ROCK2: variants seen among roughly 807,000 people sequenced by gnomAD.
ROCK2 encodes Rho associated coiled-coil containing protein kinase 2.
A neutral mutation model predicts 195.1 loss-of-function variants in ROCK2; 61 were observed. That is an observed-to-expected ratio of 0.31 (90% CI 0.25 to 0.39). The LOEUF (loss-of-function observed/expected upper bound fraction) is 0.39, where lower values mean the gene tolerates loss of function less well. Among genes scored for constraint, ROCK2 ranks in the 10% least tolerant of loss-of-function variants. The probability of loss-of-function intolerance (pLI) is 1.00; values close to 1 mark genes in which losing one functional copy is unlikely to be tolerated. For synonymous variants in ROCK2, 504 were observed against 545.5 expected (o/e 0.92, Z 1.06); for missense variants, 1,109 against 1,637.4 (o/e 0.68, Z 5.57).
intron 25 of ROCK2, 105 bp downstream of exon 25, chr2:11,198,386 T>C (rs115314042): frequency 1.3e-4 from 97 of 744,194 alleles, no homozygotes; most frequent in Non-Finnish European, 2.0e-4. Context: ...CAAATATTGG[T>C]ACATTCGATG....
intron 3 of ROCK2, among the ~76,000 whole-genome samples, chr2:11,251,139 TTC>T (rs1665815648): frequency 6.6e-6 from 1 of 152,222 alleles, no homozygotes; most frequent in Non-Finnish European, 1.5e-5. Flanking sequence ...CCATATTCCA[TTC>T]TCTGTGTCAT....
chr2:11,311,133 T>TA (rs1442278733), intron 1 of ROCK2, among the ~76,000 whole-genome samples: 4 of 152,014 alleles, frequency 2.6e-5, no homozygotes, highest in African/African-American at 7.2e-5. Context: ...AAACACTTTT[T>TA]AAAAAAACAA....
chr2:11,211,608 A>G, intron 18 of ROCK2, 73 bp downstream of exon 18: 1 of 1,402,082 alleles, frequency 7.1e-7, no homozygotes, highest in Non-Finnish European at 9.4e-7. Context: ...AAAATGTTTC[A>G]AAACCAAAAA....
chr2:11,244,310 A>G (rs555154809), intron 4 of ROCK2, among the ~76,000 whole-genome samples: 9 of 152,224 alleles, frequency 5.9e-5, no homozygotes, highest in Admixed American at 5.9e-4. Flanking sequence ...CTGGCCCTTT[A>G]CCAAAAAATG....
intron 20 of ROCK2, among the ~76,000 whole-genome samples, chr2:11,205,716 T>C (rs1664026156): frequency 6.6e-6 from 1 of 152,168 alleles, no homozygotes; most frequent in African/African-American, 2.4e-5. Flanking sequence ...TGGTTAATCT[T>C]TCTATCTTTC....
Position 11,287,718 on chromosome 2 carries a change from C to A in ROCK2, c.160G>T (p.Val54Phe). Residue 54 changes from valine (V) to phenylalanine (F), a missense_variant, in exon 2 of 33, where the codon GTC (valine) becomes TTC (phenylalanine). This residue lies in a region of ROCK2 where 253 missense variants were observed against 455.5 expected (regional missense o/e 0.56). Transcript: ENST00000315872. ...AAAGCAGGAAAATCTAAATCAAGGA[C>A]CAAGGAATTTAAGCCATCCTGTTAA... ...ESLLDGLNSL[V>F]LDLDFPALRK... 7.6e-7 allele frequency: 1 copy of A among 1,323,054 alleles called. No homozygotes were observed. The highest frequency in any genetic ancestry group is 2.4e-5 in the Admixed American group (1 of 41,130). The allele number at this position is 1,323,054 out of a possible 1,614,324, so 82.0% of individuals were successfully genotyped here.
chr2:11,230,295 A>G lies in ROCK2; in HGVS notation c.724-2897T>C, dbSNP rs1215547244. ...TCTTGAACATTGTATAGTGTCAAAA[A>G]ATAAGAAAATGCTCCAAAAGGGGGA... On this transcript the variant is annotated intron_variant, in intron 5 of 32. Transcript: ENST00000315872. Among the ~76,000 whole-genome samples, 3 of 152,188 alleles carry G rather than the reference A, an allele frequency of 2.0e-5. No homozygotes were observed. The East Asian group carries it at 5.8e-4, about 29-fold the overall frequency.
rs13398467 is a variant in ROCK2, at chr2:11,257,684, G to C, written c.325-7886C>G. Among the ~76,000 whole-genome samples, 224 of 151,378 alleles carry C rather than the reference G, an allele frequency of 1.5e-3. 10 individuals carry two copies. Among genetic ancestry groups the C allele is most frequent in the African/African-American group, 5.2e-3 (213 of 40,702 alleles). ...ACTGGTGACTCGAATCATTAGAGAT[G>C]GCGGCCCATGGGAAGATCCAGTGTT... On this transcript the variant is annotated intron_variant, in intron 3 of 32. Coordinates refer to ENST00000315872, the MANE Select transcript of ROCK2 (RefSeq NM_004850.5).
At position 11,215,301 on chromosome 2, in the gene ROCK2, T is replaced by C. The variant is rs747288044; in HGVS notation, c.1689+20A>G. ...TAAAAATAAAACCCAGTATCTTTAC[T>C]ACAAATTAGATCCACCTACTTGTCT... On this transcript the variant is annotated intron_variant, in intron 15 of 32. Coordinates refer to ENST00000315872, the MANE Select transcript of ROCK2 (RefSeq NM_004850.5). 10 of 1,555,750 alleles carry C rather than the reference T, an allele frequency of 6.4e-6. No homozygotes were observed. The highest frequency in any genetic ancestry group is 1.4e-5 in the African/African-American group (1 of 72,532).
intron 4 of ROCK2, among the ~76,000 whole-genome samples, chr2:11,240,075 C>T (rs1438267215): frequency 6.6e-6 from 1 of 152,222 alleles, no homozygotes; most frequent in Non-Finnish European, 1.5e-5. Context: ...GTAAGCTCCA[C>T]TGAGTGTCAG....
chr2:11,271,844 G>A (rs893716340), intron 3 of ROCK2, among the ~76,000 whole-genome samples: 4 of 151,924 alleles, frequency 2.6e-5, no homozygotes, highest in Non-Finnish European at 2.9e-5. Context: ...TGGCTAACAC[G>A]GTGAAACCCC....
chr2:11,218,083 C>T (rs1664494678), intron 11 of ROCK2: 1 of 166,442 alleles, frequency 6.0e-6, no homozygotes, highest in African/African-American at 2.4e-5. Flanking sequence ...GTTTTAAATA[C>T]TGCATCTATC....
At chr2:11,246,199 C>G (rs959208170) in intron 4 of ROCK2, among the ~76,000 whole-genome samples, 2 of 152,080 alleles carry the variant, frequency 1.3e-5, no homozygotes, top group African/African-American at 4.8e-5. Context: ...CAAAGTGGAA[C>G]CTGAATCTGA....
chr2:11,312,688 A>C (rs1572395094), intron 1 of ROCK2, among the ~76,000 whole-genome samples: 1 of 152,238 alleles, frequency 6.6e-6, no homozygotes, highest in East Asian at 1.9e-4. Flanking sequence ...ACCTGTATAC[A>C]AATGTTTTTA....
rs766302010 is a variant in ROCK2, at chr2:11,235,955, TA to T, written c.469del (p.Tyr157MetfsTer12). 4 of 1,424,512 alleles carry T rather than the reference TA, an allele frequency of 2.8e-6. No homozygotes were observed. The highest frequency in any genetic ancestry group is 3.6e-5 in the South Asian group (2 of 55,530). The allele number at this position is 1,424,512 out of a possible 1,614,324, so 88.2% of individuals were successfully genotyped here. ...ANSPWVVQLF[Y>X]AFQDDRYLYM... ...CAGATACCTATCATCTTGAAAGGCA[TA>T]AAAAAGCTGGAAAACAAAAGGAAAA... On this transcript the variant is annotated frameshift_variant, in exon 5 of 33. Transcript: ENST00000315872. LOFTEE classifies it high-confidence loss of function. This position sits in a 1 kb window ranked among gnomAD's most constrained non-coding sequence, Gnocchi z 4.2.
At chr2:11,262,954 T>C in intron 3 of ROCK2, among the ~76,000 whole-genome samples, 1 of 152,176 alleles carries the variant, frequency 6.6e-6, no homozygotes, top group South Asian at 2.1e-4. Flanking sequence ...CTGGAGCAGT[T>C]ACTGTTTCTA....
chr2:11,303,898 A>G (rs1667779189), intron 1 of ROCK2, among the ~76,000 whole-genome samples: 1 of 152,050 alleles, frequency 6.6e-6, no homozygotes, highest in Admixed American at 6.5e-5. Context: ...GTCCTTCACT[A>G]TTTTTTTCAA....
chr2:11,220,657 G>C (rs1041263797), intron 9 of ROCK2, among the ~76,000 whole-genome samples: 2 of 152,102 alleles, frequency 1.3e-5, no homozygotes, highest in African/African-American at 4.8e-5. Context: ...TGCTCCCAAT[G>C]TATGCTCACA....
At chr2:11,248,043 A>G in intron 4 of ROCK2, among the ~76,000 whole-genome samples, 1 of 152,016 alleles carries the variant, frequency 6.6e-6, no homozygotes, top group Non-Finnish European at 1.5e-5. Flanking sequence ...AAAAATTATC[A>G]TGGTATAGAA....
Sources: gnomAD v4.1 joint callset for allele counts (sites outside exome capture counted in the v4.1 genomes callset) on GRCh38, gnomAD v4.1.1 for gene constraint, gnomAD v4.1.1 regional missense constraint, Gnocchi (gnomAD v3.1) non-coding constraint, MANE v1.5 for transcripts, NCBI Gene and HGNC (gene_info 2026-07-23, HGNC 2026-07-21) for gene names.